The following PELI2 variants were observed in gnomAD, a reference collection of about 807,000 sequenced individuals.
PELI2 encodes the protein E3 ubiquitin-protein ligase pellino homolog 2.
In PELI2, 23 loss-of-function variants were observed where a neutral mutation model predicts 42.3. The observed-to-expected ratio is 0.54, with a 90% confidence interval of 0.39 to 0.77. The LOEUF (loss-of-function observed/expected upper bound fraction) is 0.77, where lower values mean the gene tolerates loss of function less well. Among genes scored for constraint, PELI2 ranks in the 30% least tolerant of loss-of-function variants. PELI2 has a pLI of 0.00. For missense variants in PELI2, 463 were observed against 553.2 expected (o/e 0.84, Z 1.64); for synonymous variants, 245 against 212.2 (o/e 1.15, Z -1.34).
At chr14:56,181,978 G>T (rs1885601663) in intron 2 of PELI2, among the ~76,000 whole-genome samples, 1 of 152,124 alleles carries the variant, frequency 6.6e-6, no homozygotes, top group African/African-American at 2.4e-5. Flanking sequence ...TATTTATTCA[G>T]CACCTTCCAT....
At chr14:56,157,540 A>C (rs933993270) in intron 1 of PELI2, among the ~76,000 whole-genome samples, 30 of 152,228 alleles carry the variant, frequency 2.0e-4, no homozygotes, top group Non-Finnish European at 4.3e-4. Flanking sequence ...CTCCCCCCCA[A>C]AAAAAATCTC....
intron 1 of PELI2, among the ~76,000 whole-genome samples, chr14:56,160,500 G>A (rs895112645): frequency 2.0e-5 from 3 of 152,132 alleles, no homozygotes; most frequent in African/African-American, 7.2e-5. Context: ...CATGGGAGTG[G>A]TACTGTGTTT....
At chr14:56,199,645 G>A (rs889703224) in intron 2 of PELI2, among the ~76,000 whole-genome samples, 1 of 152,146 alleles carries the variant, frequency 6.6e-6, no homozygotes, top group Non-Finnish European at 1.5e-5. Context: ...TCAGTTTAAT[G>A]GCTACTTTGA....
rs1427556809 is a variant in PELI2 at position 56,297,185 on chromosome 14, A to G, written c.*19A>G. ...TGACTGACGCCCTTGACAGCCATCTACGACTTTATTAACAGGTTACTGTGA... is the reference window on the plus strand; with the variant it reads ...TGACTGACGCCCTTGACAGCCATCTGCGACTTTATTAACAGGTTACTGTGA... On this transcript the variant is annotated 3_prime_UTR_variant, in exon 6 of 6. Transcript: ENST00000267460. 2 of 1,546,492 alleles carry G rather than the reference A, an allele frequency of 1.3e-6. No homozygotes were observed. The highest frequency in any genetic ancestry group is 1.8e-6 in the Non-Finnish European group (2 of 1,137,860).
At chr14:56,168,103 T>G (rs1336162521) in intron 1 of PELI2, among the ~76,000 whole-genome samples, 1 of 152,182 alleles carries the variant, frequency 6.6e-6, no homozygotes, top group Admixed American at 6.5e-5. Context: ...CCACTGTGAC[T>G]GCACTGGATC....
At chr14:56,123,881 C>T (rs1474600518) in intron 1 of PELI2, among the ~76,000 whole-genome samples, 1 of 152,178 alleles carries the variant, frequency 6.6e-6, no homozygotes, top group Non-Finnish European at 1.5e-5. Flanking sequence ...TTTATATCTG[C>T]TGTGCAGGGC....
intron 2 of PELI2, among the ~76,000 whole-genome samples, chr14:56,226,099 A>T (rs563379091): frequency 2.8e-4 from 42 of 151,970 alleles, no homozygotes; most frequent in African/African-American, 9.6e-4. Context: ...GAAGAAGAAG[A>T]AGTCAGGTCA....
intron 3 of PELI2, among the ~76,000 whole-genome samples, chr14:56,283,761 G>A (rs956681746): frequency 4.6e-5 from 7 of 152,136 alleles, no homozygotes; most frequent in African/African-American, 1.7e-4. Context: ...ATAAAGTATG[G>A]TAAGCCAAGC....
chr14:56,204,857 C>T (rs1273460128), intron 2 of PELI2, among the ~76,000 whole-genome samples: 1 of 151,846 alleles, frequency 6.6e-6, no homozygotes, highest in Admixed American at 6.6e-5. Context: ...TGGTGAAACC[C>T]TGTCTCTACT....
intron 1 of PELI2, among the ~76,000 whole-genome samples, chr14:56,176,174 T>A (rs530727202): frequency 6.6e-6 from 1 of 152,164 alleles, no homozygotes; most frequent in South Asian, 2.1e-4. Flanking sequence ...ACTTTTGGAG[T>A]TAAGGAATAG....
intron 3 of PELI2, among the ~76,000 whole-genome samples, chr14:56,286,414 T>C: frequency 6.6e-6 from 1 of 152,216 alleles, no homozygotes; most frequent in East Asian, 1.9e-4. Context: ...GATACCATCT[T>C]ACCTGTCCTG....
chr14:56,286,546 A>G (rs1341639679), intron 3 of PELI2, among the ~76,000 whole-genome samples: 1 of 152,232 alleles, frequency 6.6e-6, no homozygotes, highest in African/African-American at 2.4e-5. Flanking sequence ...TGACTATCAC[A>G]TGAAATTCAG....
At chr14:56,189,017 G>A (rs1451790424) in intron 2 of PELI2, among the ~76,000 whole-genome samples, 3 of 152,224 alleles carry the variant, frequency 2.0e-5, no homozygotes, top group Admixed American at 6.5e-5. Flanking sequence ...AAAATCAGCC[G>A]GGTGTGGTGG....
intron 2 of PELI2, among the ~76,000 whole-genome samples, chr14:56,277,811 G>A (rs1412468883): frequency 6.6e-6 from 1 of 152,180 alleles, no homozygotes; most frequent in Non-Finnish European, 1.5e-5. Flanking sequence ...TTTAAGGTAA[G>A]CTGTTTTAAG....
rs552171388 is a variant in PELI2 at position 56,119,795 on chromosome 14, C to T, written c.77+1058C>T. The T allele has an allele frequency of 1.2e-5, 12 of 984,682 alleles. No individual in the cohort carries two copies. The African/African-American group carries it at 2.1e-4, about 17-fold the overall frequency. The allele number at this position is 984,682 out of a possible 1,614,324, so 61.0% of individuals were successfully genotyped here. The stretch of plus-strand genomic sequence containing the variant: ...TATTTTTTCCTTTGGATGTGTCGCT[C>T]TGGGAACCCGCGCTTTTGTCCTTCT... On this transcript the variant is annotated intron_variant, in intron 1 of 5. Coordinates refer to ENST00000267460, the MANE Select transcript of PELI2 (RefSeq NM_021255.3).
chr14:56,246,055 C>T lies in PELI2; in HGVS notation c.208-33621C>T, dbSNP rs78157102. Among the ~76,000 whole-genome samples the T allele has an allele frequency of 3.3e-5, 5 of 152,188 alleles. No individual in the cohort carries two copies. The East Asian group carries it at 9.7e-4, about 29-fold the overall frequency. ...TCGAACTGCAGAGTGCCTTTGAATG[C>T]CATAGATCATATAAATCTTAAAGTT... On this transcript the variant is annotated intron_variant, in intron 2 of 5. Transcript: ENST00000267460.
intron 2 of PELI2, among the ~76,000 whole-genome samples, chr14:56,225,812 C>T (rs1042584900): frequency 1.2e-4 from 19 of 152,300 alleles, no homozygotes; most frequent in African/African-American, 4.1e-4. Context: ...GCTGCCCTTC[C>T]ATGGTCTAGC....
chr14:56,132,526 G>A (rs1406457564), intron 1 of PELI2, among the ~76,000 whole-genome samples: 3 of 152,108 alleles, frequency 2.0e-5, no homozygotes. Context: ...AGTCACCCCC[G>A]CCCTGCTGCT....
chr14:56,299,577 A>G lies in PELI2; in HGVS notation c.*2411A>G, dbSNP rs1566693898. ...CACCAGGCTCTTCTTGGCCACTTGTAGGAAGATCCCTTTACAATTTTGACT... is the reference window on the plus strand; with the variant it reads ...CACCAGGCTCTTCTTGGCCACTTGTGGGAAGATCCCTTTACAATTTTGACT... On this transcript the variant is annotated 3_prime_UTR_variant, in exon 6 of 6. Coordinates refer to ENST00000267460, the MANE Select transcript of PELI2 (RefSeq NM_021255.3). 6.6e-6 allele frequency: 1 copy of G among 152,208 alleles called. No individual in the cohort carries two copies. The highest frequency in any genetic ancestry group is 2.4e-5 in the African/African-American group (1 of 41,460). The allele number at this position is 152,208 out of a possible 1,614,324, so 9.4% of individuals were successfully genotyped here.
Sources: gnomAD v4.1 joint callset for allele counts (sites outside exome capture counted in the v4.1 genomes callset) on GRCh38, gnomAD v4.1.1 for gene constraint, MANE v1.5 for transcripts, NCBI Gene and HGNC (gene_info 2026-07-23, HGNC 2026-07-21) for gene names.